Variants in TENM2 observed in about 807,000 individuals in gnomAD.
TENM2 encodes teneurin-2.
In TENM2, 52 loss-of-function variants were observed where a neutral mutation model predicts 245.2. That is an observed-to-expected ratio of 0.21 (90% CI 0.17 to 0.27). The LOEUF (loss-of-function observed/expected upper bound fraction) is 0.27. TENM2 is among the 10% of genes least tolerant of loss of function. TENM2 has a pLI of 1.00. For synonymous variants in TENM2, 1,363 were observed against 1,438.9 expected (o/e 0.95, Z 1.19); for missense variants, 3,046 against 3,666.8 (o/e 0.83, Z 4.37).
chr5:167,063,885 G>A, the TENM2 span, among the ~76,000 whole-genome samples: 1 of 152,158 alleles, frequency 6.6e-6, no homozygotes, highest in African/African-American at 2.4e-5. Flanking sequence ...GGATAGTTAG[G>A]ATTTTAGATT....
chr5:167,992,209 C>A (rs1382677859), intron 4 of TENM2, among the ~76,000 whole-genome samples: 1 of 151,996 alleles, frequency 6.6e-6, no homozygotes, highest in African/African-American at 2.4e-5. Flanking sequence ...TCTCAGAAAT[C>A]ACCACTAAAG....
chr5:168,240,802 C>T (rs1766026806), intron 25 of TENM2: 1 of 152,094 alleles, frequency 6.6e-6, no homozygotes, highest in East Asian at 1.9e-4. Context: ...ATGGCAAGTC[C>T]CCAGCAGTTG....
At chr5:167,072,599 T>G in the TENM2 span, among the ~76,000 whole-genome samples, 1 of 152,300 alleles carries the variant, frequency 6.6e-6, no homozygotes, top group African/African-American at 2.4e-5. Context: ...TTCACAGAAT[T>G]TTATATTTTA....
chr5:167,532,302 TC>T (rs1562032102), intron 2 of TENM2, among the ~76,000 whole-genome samples: 87 of 150,556 alleles, frequency 5.8e-4, no homozygotes, highest in African/African-American at 2.0e-3. Context: ...TCTCTCTCTC[TC>T]TCTCTTTTTA....
At chr5:167,941,234 T>G (rs1460483468) in intron 3 of TENM2, among the ~76,000 whole-genome samples, 1 of 152,172 alleles carries the variant, frequency 6.6e-6, no homozygotes, top group East Asian at 1.9e-4. Flanking sequence ...TTTAAGGTTT[T>G]TCATGCAAAA....
intron 1 of TENM2, among the ~76,000 whole-genome samples, chr5:167,352,691 C>G (rs144904916): frequency 2.0e-5 from 3 of 152,230 alleles, no homozygotes; most frequent in African/African-American, 7.2e-5. Context: ...GATGATAGCA[C>G]AATTTTTATA....
intron 27 of TENM2, among the ~76,000 whole-genome samples, chr5:168,259,447 G>A (rs1033215918): frequency 6.6e-6 from 1 of 152,212 alleles, no homozygotes; most frequent in Admixed American, 6.5e-5. Flanking sequence ...AATTAGCCAG[G>A]TGTGGTGGCG....
At chr5:167,864,195 T>A (rs73370976) in intron 2 of TENM2, among the ~76,000 whole-genome samples, 2,945 of 152,270 alleles carry the variant, frequency 0.019, 78 homozygotes, top group African/African-American at 0.067. Context: ...CTAAAGCACA[T>A]AGCAAAACAC....
chr5:168,036,414 A>T (rs1285008514), intron 5 of TENM2, among the ~76,000 whole-genome samples: 8 of 152,034 alleles, frequency 5.3e-5, no homozygotes, highest in Admixed American at 5.2e-4. Flanking sequence ...AGGCAGGCGG[A>T]TCACCTGAGG....
intron 5 of TENM2, among the ~76,000 whole-genome samples, chr5:167,996,292 G>C (rs1055550442): frequency 6.6e-6 from 1 of 151,836 alleles, no homozygotes; most frequent in African/African-American, 2.4e-5. Flanking sequence ...CACACAGCTG[G>C]GGTCAGAGAA....
At chr5:167,176,998 C>T in the TENM2 span, among the ~76,000 whole-genome samples, 1 of 152,174 alleles carries the variant, frequency 6.6e-6, no homozygotes, top group Non-Finnish European at 1.5e-5. Flanking sequence ...CAAAGCTTTT[C>T]CAAGTTCCCA....
intron 2 of TENM2, among the ~76,000 whole-genome samples, chr5:167,843,651 G>A (rs1769758138): frequency 6.6e-6 from 1 of 152,142 alleles, no homozygotes; most frequent in African/African-American, 2.4e-5. Context: ...TGGTTTGCAG[G>A]AAAAAGAAGG....
At chr5:168,147,169 A>G (rs185627975) in intron 12 of TENM2, among the ~76,000 whole-genome samples, 9 of 152,346 alleles carry the variant, frequency 5.9e-5, no homozygotes, top group African/African-American at 1.4e-4. Context: ...TAATTATTCA[A>G]AACAATTCAG....
At chr5:167,123,278 C>T in the TENM2 span, among the ~76,000 whole-genome samples, 1 of 152,194 alleles carries the variant, frequency 6.6e-6, no homozygotes, top group Non-Finnish European at 1.5e-5. Context: ...CAAGATCGTG[C>T]CACTGCAGTG....
the TENM2 span, among the ~76,000 whole-genome samples, chr5:167,261,871 A>G: frequency 6.6e-6 from 1 of 152,006 alleles, no homozygotes; most frequent in Non-Finnish European, 1.5e-5. Flanking sequence ...GAAGCCATGT[A>G]CCCTGGGTTT....
intron 2 of TENM2, among the ~76,000 whole-genome samples, chr5:167,707,013 TAAAAAA>T (rs34373602): frequency 1.6e-4 from 11 of 70,088 alleles, no homozygotes; most frequent in Non-Finnish European, 2.1e-4. Flanking sequence ...AGACTCCGCC[TAAAAAA>T]AAAAAAAAAA....
chr5:167,648,757 C>T (rs1001260629), intron 2 of TENM2, among the ~76,000 whole-genome samples: 1 of 152,174 alleles, frequency 6.6e-6, no homozygotes. Context: ...GATATCTCAC[C>T]TTTTGATGTT....
chr5:167,881,938 G>A (rs1373226387), intron 3 of TENM2, among the ~76,000 whole-genome samples: 1 of 152,098 alleles, frequency 6.6e-6, no homozygotes, highest in African/African-American at 2.4e-5. Flanking sequence ...ACCTCCCAAT[G>A]CATGAAGGAT....
chr5:167,743,515 T>TA (rs1761346445), intron 2 of TENM2, among the ~76,000 whole-genome samples: 1 of 152,232 alleles, frequency 6.6e-6, no homozygotes, highest in South Asian at 2.1e-4. Context: ...AATAAGTTTT[T>TA]AAAAAGCAGT....
Sources: gnomAD v4.1 joint callset for allele counts (sites outside exome capture counted in the v4.1 genomes callset) on GRCh38, gnomAD v4.1.1 for gene constraint, MANE v1.5 for transcripts, NCBI Gene and HGNC (gene_info 2026-07-23, HGNC 2026-07-21) for gene names.